Variants in RPAP2 observed in about 807,000 individuals in gnomAD.
RPAP2 encodes putative RNA polymerase II subunit B1 CTD phosphatase RPAP2.
In RPAP2, 52 loss-of-function variants were observed where a neutral mutation model predicts 73.1. That is an observed-to-expected ratio of 0.71 (90% CI 0.57 to 0.90). The LOEUF is 0.90. Among genes scored for constraint, RPAP2 ranks in the 40% least tolerant of loss-of-function variants. The pLI, the probability that RPAP2 is intolerant of heterozygous loss-of-function variation, is 0.00. For missense variants in RPAP2, 598 were observed against 701.8 expected (o/e 0.85, Z 1.67); for synonymous variants, 225 against 242.1 (o/e 0.93, Z 0.65).
intron 6 of RPAP2, among the ~76,000 whole-genome samples, chr1:92,315,806 C>T (rs143359434): frequency 5.6e-4 from 85 of 152,086 alleles, no homozygotes; most frequent in African/African-American, 1.9e-3. Context: ...GGAGTAGATC[C>T]GTAATGTCAT....
At chr1:92,299,283 T>G in intron 1 of RPAP2, 137 bp downstream of exon 1, 3 of 460,822 alleles carry the variant, frequency 6.5e-6, no homozygotes, top group Non-Finnish European at 1.2e-5. Context: ...GGCCGAAAGC[T>G]TCCCACCGCC....
At chr1:92,315,111 C>CA (rs752090057) in intron 6 of RPAP2, among the ~76,000 whole-genome samples, 3,653 of 135,700 alleles carry the variant, frequency 0.027, 58 homozygotes, top group Non-Finnish European at 0.037. Flanking sequence ...GTTGCAGTCT[C>CA]AAAAAAAAAA....
At chr1:92,301,615 T>G (rs766713224) in intron 3 of RPAP2, 25 bp downstream of exon 3, 1 of 961,690 alleles carries the variant, frequency 1.0e-6, no homozygotes, top group South Asian at 1.7e-5. Context: ...GACAAATTAT[T>G]AGTTTTGTAG....
intron 11 of RPAP2, among the ~76,000 whole-genome samples, chr1:92,347,983 C>A (rs1571104604): frequency 6.6e-6 from 1 of 152,048 alleles, no homozygotes; most frequent in East Asian, 1.9e-4. Flanking sequence ...AATCTCGGCT[C>A]ACTGCAGCCT....
chr1:92,370,742 T>G (rs1655113470), intron 11 of RPAP2, among the ~76,000 whole-genome samples: 1 of 152,166 alleles, frequency 6.6e-6, no homozygotes, highest in Non-Finnish European at 1.5e-5. Flanking sequence ...GGGTCTCATT[T>G]AATTCTTAAT....
At chr1:92,330,365 A>C (rs987615986) in intron 8 of RPAP2, among the ~76,000 whole-genome samples, 1 of 151,436 alleles carries the variant, frequency 6.6e-6, no homozygotes, top group South Asian at 2.1e-4. Context: ...TCTAAAATTA[A>C]TGTTAGTTCT....
Position 92,387,155 on chromosome 1 carries a change from C to G in RPAP2, c.*144C>G, listed in dbSNP as rs1655897938. The G allele has an allele frequency of 4.0e-6, 3 of 756,836 alleles. No individual in the cohort carries two copies. Among genetic ancestry groups the G allele is most frequent in the Non-Finnish European group, 6.0e-6 (3 of 496,522 alleles). 46.9% of individuals were successfully genotyped at this position (756,836 alleles called of 1,614,324 possible). ...TCTTTAAGTTTCAATCTCCCATCTC[C>G]CAGTCCTTCAGTCCCCAACTGCAGA... On this transcript the variant is annotated 3_prime_UTR_variant, in exon 13 of 13. Coordinates refer to ENST00000610020, the MANE Select transcript of RPAP2 (RefSeq NM_024813.3).
intron 11 of RPAP2, among the ~76,000 whole-genome samples, chr1:92,379,154 C>T (rs1655510187): frequency 6.6e-6 from 1 of 152,238 alleles, no homozygotes; most frequent in Admixed American, 6.5e-5. Flanking sequence ...TCTCAGAAAA[C>T]ACTTACATTT....
rs567335608 is a variant in RPAP2, at chr1:92,347,888, C to T, written c.1688+1974C>T. ...GCACACATTTTACTGTAGTGTATCG[C>T]ATGTTTCATATTGGGCAATCAATCT... On this transcript the variant is annotated intron_variant, in intron 11 of 12. Coordinates refer to ENST00000610020, the MANE Select transcript of RPAP2 (RefSeq NM_024813.3). Among the ~76,000 whole-genome samples, 40 of 152,136 alleles carry T rather than the reference C, an allele frequency of 2.6e-4. No individual in the cohort carries two copies. In the South Asian group the frequency reaches 7.9e-3, roughly 30 times the overall value.
At chr1:92,316,881 T>G (rs1462895293) in intron 6 of RPAP2, among the ~76,000 whole-genome samples, 1 of 152,194 alleles carries the variant, frequency 6.6e-6, no homozygotes, top group African/African-American at 2.4e-5. Flanking sequence ...TTTATTTCAG[T>G]GTCAGGTACC....
chr1:92,353,935 A>G (rs995655299), intron 11 of RPAP2, among the ~76,000 whole-genome samples: 1 of 152,150 alleles, frequency 6.6e-6, no homozygotes, highest in Non-Finnish European at 1.5e-5. Context: ...AGAATTCCCT[A>G]TATCTTTGGC....
intron 11 of RPAP2, among the ~76,000 whole-genome samples, chr1:92,373,618 A>G (rs927635907): frequency 1.3e-5 from 2 of 151,796 alleles, no homozygotes; most frequent in Non-Finnish European, 2.9e-5. Flanking sequence ...CTGTAAGGCC[A>G]TGTACAGTGG....
At chr1:92,331,310 G>T (rs1184149559) in intron 8 of RPAP2, among the ~76,000 whole-genome samples, 1 of 151,986 alleles carries the variant, frequency 6.6e-6, no homozygotes, top group Admixed American at 6.6e-5. Flanking sequence ...CCTTTATATG[G>T]AGAATTTAAT....
At chr1:92,374,341 A>G (rs1252655667) in intron 11 of RPAP2, among the ~76,000 whole-genome samples, 1 of 152,222 alleles carries the variant, frequency 6.6e-6, no homozygotes, top group Non-Finnish European at 1.5e-5. Flanking sequence ...GACCATGAAA[A>G]GAACAGTTCT....
rs975467869 is a variant in RPAP2, at chr1:92,383,511, A to T, written c.1838+2638A>T. On this transcript the variant is annotated intron_variant, in intron 12 of 12. Coordinates refer to ENST00000610020, the MANE Select transcript of RPAP2 (RefSeq NM_024813.3). ...TCCCTTGTAAGTTGGATTCCTAGGT[A>T]TTTTATTATCTTTGAAGCAATTGTG... 4.1e-4 allele frequency among the ~76,000 whole-genome samples: 62 copies of T among 152,108 alleles called. 1 individual carries two copies. The highest frequency in any genetic ancestry group is 1.5e-3 in the African/African-American group (62 of 41,476).
intron 11 of RPAP2, among the ~76,000 whole-genome samples, chr1:92,352,819 C>T (rs1654282590): frequency 6.6e-6 from 1 of 152,098 alleles, no homozygotes; most frequent in Non-Finnish European, 1.5e-5. Flanking sequence ...TTCTGTCACC[C>T]AAAAAAGAAA....
chr1:92,373,743 A>AAT (rs1557630282), intron 11 of RPAP2, among the ~76,000 whole-genome samples: 11 of 113,478 alleles, frequency 9.7e-5, no homozygotes, highest in Non-Finnish European at 1.4e-4. Context: ...TAAAAATAAA[A>AAT]AAAAAAAAAA....
chr1:92,388,746 C>G lies in RPAP2; in HGVS notation c.*1735C>G, dbSNP rs1655949567. 6.6e-6 allele frequency: 1 copy of G among 152,356 alleles called. No homozygotes were observed. Among genetic ancestry groups the G allele is most frequent in the Admixed American group, 6.5e-5 (1 of 15,294 alleles). 9.4% of individuals were successfully genotyped at this position (152,356 alleles called of 1,614,324 possible). ...CATGCCTGGTTCAGTGGGTCCCACG[C>G]CCACAGAGCCTTGCTCACTGCTAGC... On this transcript the variant is annotated 3_prime_UTR_variant, in exon 13 of 13. Transcript: ENST00000610020.
chr1:92,300,922 CAT>C (rs1650804496), intron 2 of RPAP2, among the ~76,000 whole-genome samples: 1 of 152,082 alleles, frequency 6.6e-6, no homozygotes, highest in African/African-American at 2.4e-5. Flanking sequence ...AGTTAATTAA[CAT>C]AAACAAATAC....
Sources: gnomAD v4.1 joint callset for allele counts (sites outside exome capture counted in the v4.1 genomes callset) on GRCh38, gnomAD v4.1.1 for gene constraint, MANE v1.5 for transcripts, NCBI Gene and HGNC (gene_info 2026-07-23, HGNC 2026-07-21) for gene names.